Variants in DST observed in about 807,000 individuals in gnomAD.
The protein encoded by DST is bullous pemphigoid antigen.
Under a neutral mutation model 875.2 loss-of-function variants are expected in DST, and 253 were observed. That is an observed-to-expected ratio of 0.29 (90% CI 0.26 to 0.32). The LOEUF (loss-of-function observed/expected upper bound fraction) is 0.32. DST is among the 10% of genes least tolerant of loss of function. The pLI, the probability that DST is intolerant of heterozygous loss-of-function variation, is 1.00. For missense variants in DST, 8,287 were observed against 9,111.6 expected (o/e 0.91, Z 3.68); for synonymous variants, 3,124 against 3,197.1 (o/e 0.98, Z 0.77).
intron 2 of DST, among the ~76,000 whole-genome samples, chr6:56,909,249 G>A (rs1029041382): frequency 2.6e-5 from 4 of 152,142 alleles, no homozygotes; most frequent in Non-Finnish European, 4.4e-5. Context: ...TTTTATCCAT[G>A]TTTGCCTTTT....
At position 56,568,565 on chromosome 6, in the gene DST, G is replaced by C; in HGVS notation, c.13909C>G (p.Pro4637Ala). The change falls in exon 55 of 104, where the codon CCA becomes GCA. Residue 4637 changes from proline (P) to alanine (A), a missense_variant. Pro to Ala is a conservative substitution (Grantham distance 27). Coordinates refer to ENST00000680361, the MANE Select transcript of DST (RefSeq NM_001374736.1). ...CTGTTGTTTACTTTCTGAATCTCTGGTGTTTTTAAACTCCACTTTTCTTGT... is the reference window on the plus strand; with the variant it reads ...CTGTTGTTTACTTTCTGAATCTCTGCTGTTTTTAAACTCCACTTTTCTTGT... ...KLQEKWSLKTPEIQKVNNSGI... is the reference protein window; with the variant it reads ...KLQEKWSLKTAEIQKVNNSGI... 3.1e-6 allele frequency: 5 copies of C among 1,610,704 alleles called. No individual in the cohort carries two copies. Among genetic ancestry groups the C allele is most frequent in the Non-Finnish European group, 1.7e-6 (2 of 1,178,460 alleles).
intron 32 of DST, among the ~76,000 whole-genome samples, chr6:56,628,578 G>A (rs538215378): frequency 6.6e-6 from 1 of 152,254 alleles, no homozygotes; most frequent in South Asian, 2.1e-4. Flanking sequence ...TTTTCCAGGA[G>A]CTGTGATTAC....
Position 56,743,677 on chromosome 6 carries a change from ACAAT to A in DST, c.626-8392_626-8389del, listed in dbSNP as rs1399969797. ...ACACACACTGCACATTATACTCATA[ACAAT>A]CAGTGAGATAACTTTCATTTACAGA... On this transcript the variant is annotated intron_variant, in intron 4 of 103. Coordinates refer to ENST00000680361, the MANE Select transcript of DST (RefSeq NM_001374736.1). Among the ~76,000 whole-genome samples, 3 of 152,310 alleles carry A rather than the reference ACAAT, an allele frequency of 2.0e-5. No homozygotes were observed. The East Asian group carries it at 5.8e-4, about 29-fold the overall frequency.
chr6:56,605,243 TACTA>T lies in DST; in HGVS notation c.9381_9384del (p.Ser3128LysfsTer56), dbSNP rs1483434622. 35 of 1,610,984 alleles carry T rather than the reference TACTA, an allele frequency of 2.2e-5. No individual in the cohort carries two copies. Among genetic ancestry groups the T allele is most frequent in the Middle Eastern group, 1.6e-4 (1 of 6,076 alleles). ...AGATTCTCAAACTGAACAGGACTTT[TACTA>T]ACTATTATTTGTAGATTATTTGGTT... On this transcript the variant is annotated frameshift_variant, in exon 40 of 104. Transcript: ENST00000680361. LOFTEE classifies it high-confidence loss of function.
chr6:56,826,419 G>C (rs191710718), intron 4 of DST, among the ~76,000 whole-genome samples: 306 of 152,034 alleles, frequency 2.0e-3, no homozygotes, highest in African/African-American at 6.8e-3. Flanking sequence ...CTTTATTTGT[G>C]GTGGTATTTA....
Position 56,634,137 on chromosome 6 carries a change from C to A in DST, c.3616G>T (p.Ala1206Ser). The A allele has an allele frequency of 6.2e-7, 1 of 1,613,008 alleles. No individual in the cohort carries two copies. ...EIDRIRASNV[A>S]SIKTMLPGEH... ...ACATACAGATTCATACTTACTGAAGCCACATTGCTAGCTCGAATTCTATCA... is the reference window on the plus strand; with the variant it reads ...ACATACAGATTCATACTTACTGAAGACACATTGCTAGCTCGAATTCTATCA... Residue 1206 changes from alanine to serine, a missense_variant, in exon 27 of 104, where the codon GCT becomes TCT. By Grantham distance (99) the Ala-to-Ser change is moderately conservative. Transcript: ENST00000680361.
rs758393601 is a variant in DST at position 56,593,697 on chromosome 6, T to C, written c.12692A>G (p.His4231Arg). ...GAGAGACCTGAACCGATCAGTAGCA[T>C]GATCCAACTTGCGCTGCACTTCTCT... Reference protein sequence around the residue: ...THREVQRKLDHATDRFRSLYS... With the variant: ...THREVQRKLDRATDRFRSLYS... The change falls in exon 48 of 104, where the codon CAT (histidine) becomes CGT (arginine). Residue 4231 changes from histidine (H) to arginine (R), a missense_variant. His to Arg is a conservative substitution (Grantham distance 29). Around this residue, in one of 10 missense-constraint regions of DST, gnomAD observed 1,513 missense variants for 1,677.8 expected, o/e 0.90. Coordinates refer to ENST00000680361, the MANE Select transcript of DST (RefSeq NM_001374736.1). The C allele has an allele frequency of 1.2e-6, 2 of 1,610,004 alleles. No individual in the cohort carries two copies. Among genetic ancestry groups the C allele is most frequent in the East Asian group, 2.2e-5 (1 of 44,808 alleles).
intron 52 of DST, 34 bp downstream of exon 52, chr6:56,572,713 C>A: frequency 6.7e-7 from 1 of 1,483,296 alleles, no homozygotes; most frequent in Non-Finnish European, 9.0e-7. Context: ...ATTAATCTAT[C>A]TGATTAGCCT....
Position 56,605,789 on chromosome 6 carries a change from T to C in DST, c.8839A>G (p.Ser2947Gly). ...TCAGTACCTAATTCAGAAGTTGAACTGATATTATTATTATCATGTGAAATA... is the reference window on the plus strand; with the variant it reads ...TCAGTACCTAATTCAGAAGTTGAACCGATATTATTATTATCATGTGAAATA... ...ASISHDNNNI[S>G]STSELGTDLA... Residue 2947 changes from serine (S) to glycine (G), a missense_variant, in exon 40 of 104, where the codon AGT becomes GGT. Physicochemically the swap from Ser to Gly is moderately conservative, Grantham distance 56. This residue lies in a region of DST where 3,138 missense variants were observed against 3,116.6 expected (regional missense o/e 1.01). Transcript: ENST00000680361. 6.2e-7 allele frequency: 1 copy of C among 1,612,696 alleles called. No individual in the cohort carries two copies. The highest frequency in any genetic ancestry group is 1.1e-5 in the South Asian group (1 of 91,028).
chr6:56,938,288 T>C (rs1814314334), intron 2 of DST, among the ~76,000 whole-genome samples: 1 of 151,930 alleles, frequency 6.6e-6, no homozygotes, highest in Non-Finnish European at 1.5e-5. Flanking sequence ...GTGCATACCA[T>C]CATGCCCAGC....
chr6:56,597,594 C>T, intron 47 of DST, 146 bp downstream of exon 47: 1 of 745,644 alleles, frequency 1.3e-6, no homozygotes, highest in South Asian at 2.8e-5. Flanking sequence ...TTAGAACTCT[C>T]ATAATAATTT....
rs763355638 is a variant in DST, at chr6:56,640,518, C to G, written c.2115G>C (p.Gln705His). 5 of 1,614,184 alleles carry G rather than the reference C, an allele frequency of 3.1e-6. No homozygotes were observed. In the South Asian group the frequency reaches 5.5e-5, roughly 18 times the overall value. The change falls in exon 18 of 104, where the codon CAG (glutamine) becomes CAC (histidine). Residue 705 changes from glutamine to histidine, a missense_variant. Around this residue, in one of 10 missense-constraint regions of DST, gnomAD observed 1,160 missense variants for 1,424.3 expected, o/e 0.81. Transcript: ENST00000680361. ...TGATTCCTGATATCATGAGCTTTGTCTGTTCTGTTGTCAGTATGCGTCCTT... is the reference window on the plus strand; with the variant it reads ...TGATTCCTGATATCATGAGCTTTGTGTGTTCTGTTGTCAGTATGCGTCCTT... ...YSKGRILTTE[Q>H]TKLMISGITQ... is the part of the protein sequence containing the mutation.
At chr6:56,947,250 C>CTTTTTTTTTTTTTT (rs34159658) in intron 2 of DST, among the ~76,000 whole-genome samples, 1 of 135,492 alleles carries the variant, frequency 7.4e-6, no homozygotes, top group Non-Finnish European at 1.6e-5. Flanking sequence ...GCTACTCTCT[C>CTTTTTTTTTTTTTT]TTTTTTTTTT....
chr6:56,640,088 A>G, intron 18 of DST, 31 bp from the exon 19 acceptor site: 1 of 1,613,952 alleles, frequency 6.2e-7, no homozygotes, highest in East Asian at 2.2e-5. Context: ...AGTTTAAAAA[A>G]GAAATTGATA....
intron 36 of DST, chr6:56,619,551 C>A (rs754850308): frequency 1.2e-6 from 2 of 1,613,832 alleles, no homozygotes; most frequent in Non-Finnish European, 1.7e-6. Flanking sequence ...TCAGCTACAG[C>A]ATGTGCCCTT....
intron 2 of DST, among the ~76,000 whole-genome samples, chr6:56,925,415 T>C (rs1248000037): frequency 6.6e-6 from 1 of 152,164 alleles, no homozygotes; most frequent in Non-Finnish European, 1.5e-5. Flanking sequence ...AAGCCAGCAG[T>C]CAGGAGTTAA....
chr6:56,792,402 G>A (rs541800953), intron 4 of DST, among the ~76,000 whole-genome samples: 24 of 152,142 alleles, frequency 1.6e-4, no homozygotes, highest in African/African-American at 5.8e-4. Context: ...TTACAGGAGA[G>A]AAAAAGTAGT....
At chr6:56,615,304 G>A (rs1563202066) in intron 36 of DST, 2 of 1,363,762 alleles carry the variant, frequency 1.5e-6, no homozygotes, top group South Asian at 1.7e-5. Context: ...CCATTCTCAA[G>A]GCTAAATGAA....
intron 4 of DST, among the ~76,000 whole-genome samples, chr6:56,850,294 A>T (rs545271745): frequency 6.6e-6 from 1 of 151,508 alleles, no homozygotes; most frequent in Non-Finnish European, 1.5e-5. Flanking sequence ...AGAAAATCCC[A>T]CTGGGGGGAC....
Sources: allele counts gnomAD v4.1 joint callset (sites outside exome capture counted in the v4.1 genomes callset), GRCh38; gene constraint gnomAD v4.1.1; regional missense constraint gnomAD v4.1.1; transcripts MANE v1.5; gene names NCBI Gene and HGNC (gene_info 2026-07-23, HGNC 2026-07-21).